Variants in KNL1 observed in about 807,000 individuals in gnomAD.
The protein encoded by KNL1 is kinetochore scaffold 1.
A neutral mutation model predicts 201.3 loss-of-function variants in KNL1; 66 were observed. The observed-to-expected ratio is 0.33, with a 90% CI of 0.27 to 0.40. KNL1 has a LOEUF of 0.40. KNL1 is among the 10% of genes least tolerant of loss of function. The pLI, the probability that KNL1 is intolerant of heterozygous loss-of-function variation, is 1.00. For synonymous variants in KNL1, 895 were observed against 899.2 expected (o/e 1.00, Z 0.08); for missense variants, 2,815 against 2,690.5 (o/e 1.05, Z -1.02).
chr15:40,611,922 G>A (rs1158138366), intron 7 of KNL1, among the ~76,000 whole-genome samples: 1 of 152,166 alleles, frequency 6.6e-6, no homozygotes, highest in African/African-American at 2.4e-5. Flanking sequence ...GCTCATGCCT[G>A]TAATCCGAGC....
intron 12 of KNL1, 91 bp from the exon 13 acceptor site, chr15:40,629,182 A>C (rs942997412): frequency 7.5e-6 from 5 of 670,802 alleles, no homozygotes; most frequent in Admixed American, 3.2e-5. Flanking sequence ...AATGTATACA[A>C]GATACCTTAA....
chr15:40,632,652 G>C (rs1048062017), intron 13 of KNL1, among the ~76,000 whole-genome samples: 1 of 152,062 alleles, frequency 6.6e-6, no homozygotes, highest in Non-Finnish European at 1.5e-5. Context: ...TGAGAAAACA[G>C]TTGAAATCAT....
Position 40,624,898 on chromosome 15 carries a change from C to T in KNL1, c.4634C>T (p.Pro1545Leu). 1 of 1,612,804 alleles carries T rather than the reference C, an allele frequency of 6.2e-7. No individual in the cohort carries two copies. Among genetic ancestry groups the T allele is most frequent in the Non-Finnish European group, 8.5e-7 (1 of 1,179,760 alleles). The change falls in exon 10 of 26, where the codon CCT (proline) becomes CTT (leucine). Residue 1545 changes from proline (P) to leucine (L), a missense_variant. Around this residue, in one of 3 missense-constraint regions of KNL1, gnomAD observed 2,464 missense variants for 2,291.7 expected, o/e 1.08. Transcript: ENST00000399668. Reference sequence around the variant, plus strand: ...GTCAATGCTGGAGAAGCACCAGATCCTGTAATTACATCTAATGTTCCATGT... The same window carrying T: ...GTCAATGCTGGAGAAGCACCAGATCTTGTAATTACATCTAATGTTCCATGT... ...THVNAGEAPD[P>L]VITSNVPCFH...
In KNL1 at chr15:40,602,084, T is replaced by C. The variant is rs1208695484; in HGVS notation, c.-17-831T>C. Among the ~76,000 whole-genome samples the C allele has an allele frequency of 2.0e-4, 30 of 150,384 alleles. No individual in the cohort carries two copies. In the East Asian group the frequency reaches 4.8e-3, roughly 24 times the overall value. Reference sequence around the variant, plus strand: ...TTGCTCTTTCGCCCAGGCCGGACTGTGGTGGCGCTATCTCGGCTCACTGCA... The same window carrying C: ...TTGCTCTTTCGCCCAGGCCGGACTGCGGTGGCGCTATCTCGGCTCACTGCA... On this transcript the variant is annotated intron_variant, in intron 1 of 25. Coordinates refer to ENST00000399668, the MANE Select transcript of KNL1 (RefSeq NM_144508.5).
rs1220047622 is a variant in KNL1, at chr15:40,623,348, A to G, written c.3084A>G (p.Val1028=). 1 of 1,614,058 alleles carries G rather than the reference A, an allele frequency of 6.2e-7. No homozygotes were observed. The highest frequency in any genetic ancestry group is 1.7e-5 in the Admixed American group (1 of 60,012). ...AATGGTCTAATAATAGGGGCCCTGT[A>G]GAGGTAGCTGATAACATGGAATTGT... is the stretch of plus-strand genomic sequence containing the variant. ...LEEWSNNRGP[V]EVADNMELSK... The change falls in exon 10 of 26, where the codon GTA becomes GTG. Residue 1028 remains valine, a synonymous_variant. Transcript: ENST00000399668.
intron 1 of KNL1, among the ~76,000 whole-genome samples, chr15:40,596,995 C>G (rs1430787091): frequency 2.1e-5 from 2 of 94,250 alleles, no homozygotes; most frequent in African/African-American, 7.9e-5. Context: ...AGTGAAACTC[C>G]ATCTCAAAAA....
Position 40,622,228 on chromosome 15 carries a change from A to T in KNL1, c.1964A>T (p.Asp655Val). The change falls in exon 10 of 26, where the codon GAT (aspartate) becomes GTT (valine). Residue 655 changes from aspartate (D) to valine (V), a missense_variant. This residue lies in a region of KNL1 where 2,464 missense variants were observed against 2,291.7 expected (regional missense o/e 1.08). Transcript: ENST00000399668. ...VLKILPYLDK[D>V]SPQSADCNQE... ...AAGATTTTGCCCTACCTTGATAAAG[A>T]TTCTCCTCAGTCAGCTGATTGTAAT... is the stretch of plus-strand genomic sequence containing the variant. 5.6e-6 allele frequency: 9 copies of T among 1,614,086 alleles called. No individual in the cohort carries two copies. The highest frequency in any genetic ancestry group is 7.6e-6 in the Non-Finnish European group (9 of 1,179,956).
chr15:40,602,479 C>CGTTTTTTT (rs1566998543), intron 1 of KNL1, among the ~76,000 whole-genome samples: 1 of 104,186 alleles, frequency 9.6e-6, no homozygotes, highest in African/African-American at 3.5e-5. Context: ...TTTTTTCCTT[C>CGTTTTTTT]CTTTTTTTTT....
intron 6 of KNL1, 38 bp from the exon 7 acceptor site, chr15:40,611,440 G>A (rs2141706863): frequency 4.7e-6 from 1 of 212,486 alleles, no homozygotes; most frequent in Non-Finnish European, 9.5e-6. Flanking sequence ...CTTTATCAGT[G>A]TATCCTTGGA....
intron 1 of KNL1, among the ~76,000 whole-genome samples, chr15:40,599,129 A>T (rs1007066882): frequency 2.0e-5 from 3 of 151,520 alleles, no homozygotes; most frequent in South Asian, 2.1e-4. Flanking sequence ...AATTTTTTTT[A>T]AACAACTATA....
intron 25 of KNL1, among the ~76,000 whole-genome samples, chr15:40,659,701 C>A (rs1395689322): frequency 6.6e-6 from 1 of 151,992 alleles, no homozygotes; most frequent in African/African-American, 2.4e-5. Context: ...ACCATGGTCT[C>A]GATCTCCTGA....
At position 40,623,564 on chromosome 15, in the gene KNL1, T is replaced by C; in HGVS notation, c.3300T>C (p.Ser1100=). 6.2e-7 allele frequency: 1 copy of C among 1,613,622 alleles called. No individual in the cohort carries two copies. Among genetic ancestry groups the C allele is most frequent in the Non-Finnish European group, 8.5e-7 (1 of 1,179,900 alleles). ...GTATGGTGGAAATAGATAACGAAAG[T>C]GCCCTGGAGGATAAAGAGGACTTCC... ...QSCMVEIDNE[S]ALEDKEDFHL... is the part of the protein sequence containing the mutation. The change falls in exon 10 of 26, where the codon AGT becomes AGC. Residue 1100 remains serine, a synonymous_variant. Coordinates refer to ENST00000399668, the MANE Select transcript of KNL1 (RefSeq NM_144508.5).
Position 40,622,011 on chromosome 15 carries a change from G to A in KNL1, c.1747G>A (p.Gly583Arg). ...DLTESHTSNL[G>R]SQVPLAAYNL... ...GACTGAAAGTCACACAAGTAACTTA[G>A]GAAGTCAGGTTCCTCTTGCAGCTTA... The change falls in exon 10 of 26, where the codon GGA (glycine) becomes AGA (arginine). Residue 583 changes from glycine (G) to arginine (R), a missense_variant. By Grantham distance (125) the Gly-to-Arg change is moderately radical (BLOSUM62 -2). This residue lies in a region of KNL1 where 2,464 missense variants were observed against 2,291.7 expected (regional missense o/e 1.08). Coordinates refer to ENST00000399668, the MANE Select transcript of KNL1 (RefSeq NM_144508.5). 1 of 1,614,058 alleles carries A rather than the reference G, an allele frequency of 6.2e-7. No homozygotes were observed. The highest frequency in any genetic ancestry group is 8.5e-7 in the Non-Finnish European group (1 of 1,179,968).
chr15:40,645,532 G>T, intron 15 of KNL1, 124 bp from the exon 16 acceptor site: 5 of 487,524 alleles, frequency 1.0e-5, no homozygotes, highest in Non-Finnish European at 3.7e-6. Context: ...ACAATTACAT[G>T]GAATTAAATT....
chr15:40,607,340 A>G (rs1892009587), intron 4 of KNL1, among the ~76,000 whole-genome samples: 2 of 152,200 alleles, frequency 1.3e-5, no homozygotes, highest in South Asian at 2.1e-4. Flanking sequence ...AGTAAGAAAT[A>G]TATTAGTCTC....
At position 40,662,234 on chromosome 15, in the gene KNL1, T is replaced by C; in HGVS notation, c.*46T>C. 1 of 1,088,050 alleles carries C rather than the reference T, an allele frequency of 9.2e-7. No homozygotes were observed. Among genetic ancestry groups the C allele is most frequent in the Non-Finnish European group, 1.4e-6 (1 of 705,876 alleles). 67.4% of individuals were successfully genotyped at this position (1,088,050 alleles called of 1,614,324 possible). A position where few individuals can be genotyped will look rare whatever the true frequency, so the allele number is the denominator to read the frequency against. ...ACAACCAAGCAGAATGTACTTGATA[T>C]TATTTCAGGGTCCCATTGCTGTTCA... On this transcript the variant is annotated 3_prime_UTR_variant, in exon 26 of 26. Coordinates refer to ENST00000399668, the MANE Select transcript of KNL1 (RefSeq NM_144508.5).
chr15:40,646,856 CAAAAAA>C (rs146834597), intron 16 of KNL1, 125 bp from the exon 17 acceptor site: 332 of 190,950 alleles, frequency 1.7e-3, no homozygotes, highest in Non-Finnish European at 2.1e-3. Flanking sequence ...GACTCCGCCT[CAAAAAA>C]AAAAAAAAAA....
chr15:40,618,814 TAAAA>T (rs1399929412), intron 8 of KNL1, 141 bp from the exon 9 acceptor site: 3 of 511,664 alleles, frequency 5.9e-6, no homozygotes, highest in Admixed American at 3.2e-5. Context: ...TTTAAAAAAT[TAAAA>T]AAATTTAATA....
At chr15:40,606,547 G>A (rs577632478) in intron 4 of KNL1, 95 bp downstream of exon 4, 4 of 714,614 alleles carry the variant, frequency 5.6e-6, no homozygotes, top group African/African-American at 1.8e-5. Context: ...AAATGTGTAA[G>A]CATCCCATGA....
Sources: gnomAD v4.1 joint callset for allele counts (sites outside exome capture counted in the v4.1 genomes callset) on GRCh38, gnomAD v4.1.1 for gene constraint, gnomAD v4.1.1 regional missense constraint, MANE v1.5 for transcripts, NCBI Gene and HGNC (gene_info 2026-07-23, HGNC 2026-07-21) for gene names.